The following LGSN variants were observed in gnomAD, a reference collection of about 807,000 sequenced individuals.
LGSN encodes the protein lengsin.
LGSN carries 21 observed loss-of-function variants against 19.5 expected under a neutral mutation model. The observed-to-expected ratio is 1.07, with a 90% CI of 0.76 to 1.55. The LOEUF is 1.55. Ranked by LOEUF, LGSN falls within the 40% of genes most tolerant of loss-of-function variation. LGSN has a pLI of 0.00. For synonymous variants in LGSN, 257 were observed against 215.6 expected (o/e 1.19, Z -1.68); for missense variants, 673 against 608.5 (o/e 1.11, Z -1.12).
the LGSN span, chr6:63,550,233 G>A: frequency 6.6e-6 from 1 of 152,028 alleles, no homozygotes; most frequent in African/African-American, 2.4e-5. Flanking sequence ...GCCCCTCCCT[G>A]GATTGCAATT....
chr6:63,353,006 G>A, the LGSN span, among the ~76,000 whole-genome samples: 2 of 152,018 alleles, frequency 1.3e-5, no homozygotes, highest in Admixed American at 6.6e-5. Context: ...TCTCTGTAAC[G>A]CTGAAGACAG....
the LGSN span, chr6:63,571,592 C>T: frequency 1.3e-5 from 2 of 152,180 alleles, no homozygotes; most frequent in Non-Finnish European, 2.9e-5. Context: ...CTTGACAAAA[C>T]CGAGGATTCT....
At chr6:63,432,172 A>AG in the LGSN span, among the ~76,000 whole-genome samples, 889 of 29,188 alleles carry the variant, frequency 0.03, 39 homozygotes, top group Middle Eastern at 0.062. Flanking sequence ...AAAGAAAGAA[A>AG]AGGAAAGAAA....
the LGSN span, among the ~76,000 whole-genome samples, chr6:63,457,974 C>T: frequency 1.3e-5 from 2 of 152,030 alleles, no homozygotes; most frequent in Admixed American, 6.5e-5. Context: ...AGGTTGGAAA[C>T]CTTTATTTAA....
the LGSN span, chr6:63,441,972 G>A: frequency 5.0e-6 from 1 of 200,038 alleles, no homozygotes; most frequent in Non-Finnish European, 1.0e-5. Flanking sequence ...CTTAAAGATG[G>A]TGTGTCCAGA....
At chr6:63,356,215 A>C in the LGSN span, among the ~76,000 whole-genome samples, 1 of 152,164 alleles carries the variant, frequency 6.6e-6, no homozygotes, top group African/African-American at 2.4e-5. Context: ...GGGGAAAAAC[A>C]ATTCAACTCA....
At chr6:63,534,520 TAC>T in the LGSN span, among the ~76,000 whole-genome samples, 2 of 151,330 alleles carry the variant, frequency 1.3e-5, no homozygotes, top group East Asian at 3.9e-4. Context: ...ATGCAGTACT[TAC>T]AAAACATTTA....
the LGSN span, among the ~76,000 whole-genome samples, chr6:63,556,020 T>C: frequency 6.0e-3 from 910 of 152,208 alleles, 10 homozygotes; most frequent in South Asian, 0.026. Flanking sequence ...ATTCAGCCTT[T>C]CTTTGGTATA....
chr6:63,311,792 T>A (rs1768638447), intron 1 of LGSN, among the ~76,000 whole-genome samples: 1 of 152,134 alleles, frequency 6.6e-6, no homozygotes, highest in Admixed American at 6.5e-5. Flanking sequence ...TCCTCTTATA[T>A]ATTATTATTA....
At chr6:63,422,124 C>T in the LGSN span, among the ~76,000 whole-genome samples, 2 of 152,098 alleles carry the variant, frequency 1.3e-5, no homozygotes, top group African/African-American at 4.8e-5. Flanking sequence ...AGTTCAGTGG[C>T]GTGATCTCAG....
At chr6:63,503,240 T>A in the LGSN span, among the ~76,000 whole-genome samples, 1 of 152,226 alleles carries the variant, frequency 6.6e-6, no homozygotes, top group Non-Finnish European at 1.5e-5. Flanking sequence ...TTAAACTGCC[T>A]AATTTGTAAG....
chr6:63,357,400 A>G, the LGSN span, among the ~76,000 whole-genome samples: 1 of 152,210 alleles, frequency 6.6e-6, no homozygotes, highest in Non-Finnish European at 1.5e-5. Context: ...TCCCTGAAGA[A>G]TTGCCACACT....
chr6:63,535,294 G>A, the LGSN span, among the ~76,000 whole-genome samples: 5 of 152,000 alleles, frequency 3.3e-5, no homozygotes, highest in South Asian at 4.2e-4. Context: ...GTGAAACCCC[G>A]TTTCTACTAA....
At chr6:63,412,714 G>GGAAA in the LGSN span, among the ~76,000 whole-genome samples, 38 of 45,654 alleles carry the variant, frequency 8.3e-4, 1 homozygote, top group African/African-American at 4.8e-3. Context: ...AAAGAGGGAA[G>GGAAA]GAAGGAAAGA....
the LGSN span, among the ~76,000 whole-genome samples, chr6:63,344,639 G>GT: frequency 2.6e-5 from 4 of 152,098 alleles, no homozygotes; most frequent in Non-Finnish European, 5.9e-5. Context: ...GGTGGACATT[G>GT]TAAGAATGCC....
At chr6:63,359,129 T>C in the LGSN span, among the ~76,000 whole-genome samples, 4 of 152,212 alleles carry the variant, frequency 2.6e-5, no homozygotes, top group African/African-American at 9.6e-5. Context: ...ATATGCTGGA[T>C]TACATTTATT....
intron 1 of LGSN, among the ~76,000 whole-genome samples, chr6:63,306,137 C>T (rs1449303051): frequency 1.3e-5 from 2 of 152,052 alleles, no homozygotes; most frequent in Non-Finnish European, 2.9e-5. Context: ...ATTGCCATAT[C>T]CAGACAATAT....
the LGSN span, chr6:63,443,507 C>T: frequency 3.9e-6 from 2 of 517,860 alleles, no homozygotes; most frequent in Non-Finnish European, 5.3e-6. Flanking sequence ...TTTGCACCAG[C>T]GTGAACACCA....
At chr6:63,369,823 T>C in the LGSN span, among the ~76,000 whole-genome samples, 2 of 152,076 alleles carry the variant, frequency 1.3e-5, no homozygotes, top group Non-Finnish European at 2.9e-5. Context: ...GGCAACTTGG[T>C]GAAACCCCAT....
Sources: allele counts gnomAD v4.1 joint callset (sites outside exome capture counted in the v4.1 genomes callset), GRCh38; gene constraint gnomAD v4.1.1; transcripts MANE v1.5; gene names NCBI Gene and HGNC (gene_info 2026-07-23, HGNC 2026-07-21).